The following FHIT variants were observed in gnomAD, a reference collection of about 807,000 sequenced individuals.
FHIT encodes the protein bis(5'-adenosyl)-triphosphatase.
Under a neutral mutation model 17.9 loss-of-function variants are expected in FHIT, and 19 were observed. The observed-to-expected ratio is 1.06, with a 90% CI of 0.74 to 1.56. The LOEUF is 1.56. FHIT is among the 40% of genes most tolerant of loss of function. The pLI is 0.00. For synonymous variants in FHIT, 81 were observed against 69.7 expected, an observed-to-expected ratio of 1.16 and a Z score of -0.81; for missense variants, 248 against 189.2, an observed-to-expected ratio of 1.31 and a Z score of -1.82.
At chr3:60,300,537 G>C (rs951568224) in intron 5 of FHIT, among the ~76,000 whole-genome samples, 2 of 152,076 alleles carry the variant, frequency 1.3e-5, no homozygotes, top group African/African-American at 4.8e-5. Context: ...CCTGTAAGAT[G>C]GGGATGATAT....
chr3:60,765,551 C>T (rs1553721200), intron 4 of FHIT: 1 of 152,164 alleles, frequency 6.6e-6, no homozygotes, highest in Non-Finnish European at 1.5e-5. Flanking sequence ...TCCATGTGAT[C>T]CAGTCACGGT....
intron 5 of FHIT, among the ~76,000 whole-genome samples, chr3:60,424,167 T>A (rs1702578254): frequency 6.6e-6 from 1 of 152,122 alleles, no homozygotes; most frequent in Non-Finnish European, 1.5e-5. Context: ...ATTTTACTGA[T>A]GAGAACGCTG....
chr3:61,234,623 G>A (rs140985263), intron 1 of FHIT, among the ~76,000 whole-genome samples: 51 of 152,320 alleles, frequency 3.3e-4, no homozygotes, highest in Middle Eastern at 3.4e-3. Flanking sequence ...ATGAATGGGT[G>A]AAATGCAATG....
At chr3:60,769,442 C>T (rs1261398332) in intron 4 of FHIT, among the ~76,000 whole-genome samples, 4 of 152,130 alleles carry the variant, frequency 2.6e-5, no homozygotes, top group Non-Finnish European at 4.4e-5. Context: ...GGTCTTACAA[C>T]TCAAGTGAAA....
intron 5 of FHIT, among the ~76,000 whole-genome samples, chr3:60,446,089 G>A (rs1187120534): frequency 6.6e-6 from 1 of 152,114 alleles, no homozygotes; most frequent in Non-Finnish European, 1.5e-5. Context: ...GACCAAGCCA[G>A]GAGTGAAGCA....
At chr3:60,005,648 T>C (rs1033235323) in intron 7 of FHIT, among the ~76,000 whole-genome samples, 4 of 152,148 alleles carry the variant, frequency 2.6e-5, no homozygotes, top group African/African-American at 9.7e-5. Context: ...AAGGCAATTA[T>C]ACAAGATAAA....
At chr3:60,045,572 T>C (rs1701620058) in intron 5 of FHIT, among the ~76,000 whole-genome samples, 1 of 152,168 alleles carries the variant, frequency 6.6e-6, no homozygotes, top group Non-Finnish European at 1.5e-5. Context: ...TATCAAATGA[T>C]AAATTTTATG....
chr3:60,114,902 T>C (rs1007077363), intron 5 of FHIT, among the ~76,000 whole-genome samples: 9 of 152,124 alleles, frequency 5.9e-5, no homozygotes, highest in Non-Finnish European at 1.2e-4. Flanking sequence ...AAAGGAATCA[T>C]AGTATACTGA....
chr3:60,417,419 T>C (rs1456951417), intron 5 of FHIT, among the ~76,000 whole-genome samples: 1 of 152,164 alleles, frequency 6.6e-6, no homozygotes, highest in African/African-American at 2.4e-5. Flanking sequence ...CAGAACACAG[T>C]GGGTCCATTT....
Position 60,816,898 on chromosome 3 carries a change from T to C in FHIT, c.-18+5021A>G, listed in dbSNP as rs80236120. ...CACTGACATTTAGTCTGATTACTGATATGGTTGCATTTAGAGCTGCAAGTT... is the reference window on the plus strand; with the variant it reads ...CACTGACATTTAGTCTGATTACTGACATGGTTGCATTTAGAGCTGCAAGTT... On this transcript the variant is annotated intron_variant, in intron 4 of 9. Transcript: ENST00000492590. Among the ~76,000 whole-genome samples, 238 of 152,122 alleles carry C rather than the reference T, an allele frequency of 1.6e-3. 2 individuals carry two copies. Among genetic ancestry groups the C allele is most frequent in the African/African-American group, 5.6e-3 (231 of 41,562 alleles).
intron 5 of FHIT, among the ~76,000 whole-genome samples, chr3:60,227,696 G>C (rs1485202745): frequency 1.3e-5 from 2 of 152,114 alleles, no homozygotes; most frequent in African/African-American, 2.4e-5. Flanking sequence ...ATAAAAACAA[G>C]TATTAGGTAT....
At chr3:61,040,591 G>C (rs143964077) in intron 3 of FHIT, among the ~76,000 whole-genome samples, 1 of 152,262 alleles carries the variant, frequency 6.6e-6, no homozygotes, top group East Asian at 1.9e-4. Flanking sequence ...GCAACACAGA[G>C]TTTTCTAATC....
intron 4 of FHIT, among the ~76,000 whole-genome samples, chr3:60,652,488 C>T (rs2040014081): frequency 6.6e-6 from 1 of 152,070 alleles, no homozygotes; most frequent in Non-Finnish European, 1.5e-5. Context: ...AATCCCAGCA[C>T]TTTGGGAGGC....
chr3:60,023,799 G>C (rs1236901094), intron 5 of FHIT, among the ~76,000 whole-genome samples: 1 of 152,058 alleles, frequency 6.6e-6, no homozygotes, highest in African/African-American at 2.4e-5. Context: ...ACATAGCATT[G>C]GCCTTTAATA....
chr3:59,852,559 C>T (rs1246289123), intron 8 of FHIT, among the ~76,000 whole-genome samples: 1 of 152,172 alleles, frequency 6.6e-6, no homozygotes, highest in African/African-American at 2.4e-5. Context: ...CAAGAGGATT[C>T]AGTCTTGGTG....
intron 4 of FHIT, among the ~76,000 whole-genome samples, chr3:60,612,683 T>C: frequency 6.6e-6 from 1 of 152,194 alleles, no homozygotes; most frequent in South Asian, 2.1e-4. Flanking sequence ...AGGGATATCA[T>C]TCATCTCTGG....
chr3:60,263,742 AGT>A (rs1437960414), intron 5 of FHIT, among the ~76,000 whole-genome samples: 1 of 151,940 alleles, frequency 6.6e-6, no homozygotes, highest in East Asian at 1.9e-4. Flanking sequence ...AGTAATCCAC[AGT>A]GTATGTAAAT....
intron 5 of FHIT, among the ~76,000 whole-genome samples, chr3:60,318,612 A>C (rs941134653): frequency 5.3e-5 from 8 of 152,204 alleles, no homozygotes; most frequent in African/African-American, 1.4e-4. Context: ...CATCCTGATC[A>C]TGTGATGTGA....
intron 7 of FHIT, among the ~76,000 whole-genome samples, chr3:59,969,845 C>A (rs1241551134): frequency 6.6e-6 from 1 of 152,058 alleles, no homozygotes; most frequent in Admixed American, 6.6e-5. Flanking sequence ...ACTGCAGAGG[C>A]CACTTAAATT....
Sources: gnomAD v4.1 joint callset for allele counts (sites outside exome capture counted in the v4.1 genomes callset) on GRCh38, gnomAD v4.1.1 for gene constraint, MANE v1.5 for transcripts, NCBI Gene and HGNC (gene_info 2026-07-23, HGNC 2026-07-21) for gene names.